Variants in PTPRM observed in about 807,000 individuals in gnomAD.
PTPRM encodes the protein protein tyrosine phosphatase receptor type M, also known as receptor-type tyrosine-protein phosphatase mu.
Under a neutral mutation model 186.7 loss-of-function variants are expected in PTPRM, and 47 were observed. The observed-to-expected ratio is 0.25, with a 90% CI of 0.20 to 0.32. The LOEUF is 0.32. Ranked by LOEUF, PTPRM falls within the 10% of genes least tolerant of loss-of-function variation. The pLI, the probability that PTPRM is intolerant of heterozygous loss-of-function variation, is 1.00. For missense variants in PTPRM, 1,494 were observed against 1,865.0 expected (o/e 0.80, Z 3.66); for synonymous variants, 668 against 674.9 (o/e 0.99, Z 0.16).
intron 13 of PTPRM, among the ~76,000 whole-genome samples, chr18:8,116,828 G>T (rs2091975084): frequency 6.6e-6 from 1 of 152,102 alleles, no homozygotes; most frequent in South Asian, 2.1e-4. Context: ...GCAATCAGAT[G>T]ACCTGATTGA....
Position 7,864,693 on chromosome 18 carries a change from T to A in PTPRM, c.197-23413T>A, listed in dbSNP as rs193176458. On this transcript the variant is annotated intron_variant, in intron 2 of 32. Coordinates refer to ENST00000580170, the MANE Select transcript of PTPRM (RefSeq NM_001105244.2). ...TTGGATATGCAGGCTCTTTTTTGGT[T>A]CCATATGATATTTAAAGTAGTTTTT... Among the ~76,000 whole-genome samples, 11 of 152,322 alleles carry A rather than the reference T, an allele frequency of 7.2e-5. No homozygotes were observed. The East Asian group carries it at 2.1e-3, about 29-fold the overall frequency.
intron 31 of PTPRM, 123 bp from the exon 32 acceptor site, chr18:8,394,353 C>A: frequency 9.0e-7 from 1 of 1,116,558 alleles, no homozygotes; most frequent in Non-Finnish European, 1.2e-6. Flanking sequence ...TAAGAGGTCC[C>A]CCGGCCTCAG....
chr18:7,715,484 A>T (rs968618670), intron 1 of PTPRM, among the ~76,000 whole-genome samples: 1 of 152,208 alleles, frequency 6.6e-6, no homozygotes, highest in Non-Finnish European at 1.5e-5. Context: ...TCTATTCAAC[A>T]TAATATTGGA....
At chr18:7,725,781 A>G (rs528449143) in intron 1 of PTPRM, among the ~76,000 whole-genome samples, 1 of 151,960 alleles carries the variant, frequency 6.6e-6, no homozygotes, top group Non-Finnish European at 1.5e-5. Context: ...AGCCACTTTC[A>G]CCAGGAATAA....
rs550484440 is a variant in PTPRM, at chr18:7,984,946, T to C, written c.1132+29532T>C. Among the ~76,000 whole-genome samples, 523 of 120,298 alleles carry C rather than the reference T, an allele frequency of 4.3e-3. 5 individuals are homozygous for C. The highest frequency in any genetic ancestry group is 0.017 in the African/African-American group (500 of 29,794). The allele number at this position is 120,298 out of a possible 152,430, so 78.9% of individuals were successfully genotyped here. A position where few individuals can be genotyped will look rare whatever the true frequency, so the allele number is the denominator to read the frequency against. ...ACATATATAAATATATACATATATA[T>C]ACATATATAATTATATACATATAAT... is the stretch of plus-strand genomic sequence containing the variant. On this transcript the variant is annotated intron_variant, in intron 7 of 32. Transcript: ENST00000580170.
chr18:7,611,343 G>A (rs1026023329), intron 1 of PTPRM, among the ~76,000 whole-genome samples: 10 of 152,058 alleles, frequency 6.6e-5, no homozygotes, highest in African/African-American at 2.4e-4. Flanking sequence ...AATGTCCTAG[G>A]CCTTCCCATT....
At chr18:7,911,846 A>ATTTTTTTTTTTTTTTTT (rs57590269) in intron 4 of PTPRM, among the ~76,000 whole-genome samples, 11 of 80,678 alleles carry the variant, frequency 1.4e-4, no homozygotes, top group East Asian at 5.0e-4. Context: ...TATGGTTTCA[A>ATTTTTTTTTTTTTTTTT]TTTTTTTTTT....
chr18:8,001,016 A>G (rs1258984315), intron 7 of PTPRM, among the ~76,000 whole-genome samples: 2 of 152,154 alleles, frequency 1.3e-5, no homozygotes, highest in African/African-American at 2.4e-5. Context: ...CCATTTCTAA[A>G]ATGTTTAGTG....
At chr18:7,699,025 G>T (rs566576123) in intron 1 of PTPRM, among the ~76,000 whole-genome samples, 1 of 152,190 alleles carries the variant, frequency 6.6e-6, no homozygotes, top group Admixed American at 6.5e-5. Context: ...GACGTGAGTG[G>T]CAGGCCAGGG....
chr18:8,010,165 C>G (rs1246257221), intron 7 of PTPRM, among the ~76,000 whole-genome samples: 1 of 152,070 alleles, frequency 6.6e-6, no homozygotes, highest in Non-Finnish European at 1.5e-5. Context: ...ATGAGTACAT[C>G]CTAGACTAGG....
At chr18:8,259,485 A>G (rs1202946372) in intron 19 of PTPRM, among the ~76,000 whole-genome samples, 2 of 150,994 alleles carry the variant, frequency 1.3e-5, no homozygotes, top group South Asian at 2.2e-4. Flanking sequence ...TATGAGTTGT[A>G]TATCCCCCCA....
intron 2 of PTPRM, among the ~76,000 whole-genome samples, chr18:7,861,487 A>T (rs2146057874): frequency 6.6e-6 from 1 of 152,304 alleles, no homozygotes; most frequent in South Asian, 2.1e-4. Context: ...AAATATTTAT[A>T]CTTGTACATA....
Position 8,069,689 on chromosome 18 carries a change from C to T in PTPRM, c.1136C>T (p.Pro379Leu). ...TTTTGTCTTCTTTTCTAAATAGATCCCATGCGAGGCCCAAGAAAACTAGAA... is the reference window on the plus strand; with the variant it reads ...TTTTGTCTTCTTTTCTAAATAGATCTCATGCGAGGCCCAAGAAAACTAGAA... The part of the protein sequence containing the change: ...ALRTRTKCAD[P>L]MRGPRKLEVV... The change falls in exon 8 of 33, where the codon CCC (proline) becomes CTC (leucine). Residue 379 changes from proline to leucine, a missense_variant. Pro to Leu is a moderately conservative substitution (Grantham distance 98). Around this residue, in one of 3 missense-constraint regions of PTPRM, gnomAD observed 91 missense variants for 169.3 expected, o/e 0.54. Transcript: ENST00000580170. The T allele has an allele frequency of 1.2e-6, 2 of 1,609,230 alleles. No individual in the cohort carries two copies. The highest frequency in any genetic ancestry group is 1.7e-6 in the Non-Finnish European group (2 of 1,176,252).
chr18:8,403,333 AT>A (rs2095882356), intron 32 of PTPRM: 1 of 152,170 alleles, frequency 6.6e-6, no homozygotes, highest in Non-Finnish European at 1.5e-5. Flanking sequence ...ATGCCATAAC[AT>A]TTCCCCTTTT....
chr18:7,851,116 G>A (rs1240151607), intron 2 of PTPRM, among the ~76,000 whole-genome samples: 3 of 152,124 alleles, frequency 2.0e-5, no homozygotes, highest in African/African-American at 7.2e-5. Context: ...ACACAGCTGA[G>A]AGCTAATAAA....
intron 5 of PTPRM, among the ~76,000 whole-genome samples, 195 bp from the exon 6 acceptor site, chr18:7,948,986 C>T (rs1399049828): frequency 6.6e-6 from 1 of 152,192 alleles, no homozygotes; most frequent in Non-Finnish European, 1.5e-5. Context: ...ATCGCTCAGT[C>T]TTTAAGGTGT....
chr18:8,095,185 A>G (rs957947908), intron 11 of PTPRM, among the ~76,000 whole-genome samples: 2 of 152,086 alleles, frequency 1.3e-5, no homozygotes, highest in African/African-American at 4.8e-5. Context: ...TGTAGTAAGT[A>G]GGGATGAGGA....
chr18:7,647,004 G>A lies in PTPRM; in HGVS notation c.73+79113G>A, dbSNP rs561360118. On this transcript the variant is annotated intron_variant, in intron 1 of 32. Coordinates refer to ENST00000580170, the MANE Select transcript of PTPRM (RefSeq NM_001105244.2). ...CATTTTGCATGCTTTACTATTTTTT[G>A]CCATGTGTCTTAGCACATTCGGAGG... 1.2e-4 allele frequency among the ~76,000 whole-genome samples: 18 copies of A among 152,142 alleles called. No homozygotes were observed. The South Asian group carries it at 3.5e-3, about 30-fold the overall frequency.
In PTPRM at chr18:8,344,474, A is replaced by ATC. The variant is rs1555880836; in HGVS notation, c.3054+956_3054+957dup. Among the ~76,000 whole-genome samples the ATC allele has an allele frequency of 6.9e-4, 101 of 147,332 alleles. 4 individuals are homozygous for ATC. Among genetic ancestry groups the ATC allele is most frequent in the South Asian group, 3.4e-3 (16 of 4,726 alleles). On this transcript the variant is annotated intron_variant, in intron 23 of 32. Transcript: ENST00000580170. ...TATATATATATATATATATATATATATCTAGCAAAAATGGCACATTAACCT... is the reference window on the plus strand; with the variant it reads ...TATATATATATATATATATATATATATCTCTAGCAAAAATGGCACATTAACCT...
Sources: allele counts gnomAD v4.1 joint callset (sites outside exome capture counted in the v4.1 genomes callset), GRCh38; gene constraint gnomAD v4.1.1; regional missense constraint gnomAD v4.1.1; transcripts MANE v1.5; gene names NCBI Gene and HGNC (gene_info 2026-07-23, HGNC 2026-07-21).